SPARCL1: variants seen among roughly 807,000 people sequenced by gnomAD.
SPARCL1 encodes the protein SPARC-like protein 1.
SPARCL1 carries 52 observed loss-of-function variants against 67.1 expected under a neutral mutation model. That is an observed-to-expected ratio of 0.78 (90% CI 0.62 to 0.98). The LOEUF (loss-of-function observed/expected upper bound fraction) is 0.98, where lower values mean the gene tolerates loss of function less well. SPARCL1 is among the 50% of genes least tolerant of loss of function. The pLI, the probability that SPARCL1 is intolerant of heterozygous loss-of-function variation, is 0.00. For synonymous variants in SPARCL1, 226 were observed against 267.8 expected, an observed-to-expected ratio of 0.84 and a Z score of 1.52; for missense variants, 717 against 782.4, an observed-to-expected ratio of 0.92 and a Z score of 1.00.
chr4:87,506,011 T>C (rs985243673), intron 1 of SPARCL1, among the ~76,000 whole-genome samples: 16 of 152,174 alleles, frequency 1.1e-4, no homozygotes, highest in African/African-American at 3.6e-4. Context: ...TCCTGTGCCT[T>C]GTAGGATGCT....
At position 87,482,537 on chromosome 4, in the gene SPARCL1, C is replaced by A; in HGVS notation, c.1555G>T (p.Glu519Ter). Residue 519 changes from glutamate (E) to a stop codon, truncating the protein, a stop_gained, in exon 8 of 11, where the codon GAA becomes TAA. Transcript: ENST00000282470. LOFTEE classifies it high-confidence loss of function. ...ATCCGTAGAGGAAACTGAATCACTT[C>A]AAAGTCCGTACAAGTAGGAATAGCT... ...CKSIPTCTDF[E>*]VIQFPLRMRD... The A allele has an allele frequency of 6.2e-7, 1 of 1,614,010 alleles. No homozygotes were observed. Among genetic ancestry groups the A allele is most frequent in the South Asian group, 1.1e-5 (1 of 91,080 alleles).
chr4:87,512,267 C>T (rs1578113343), intron 1 of SPARCL1, among the ~76,000 whole-genome samples: 1 of 152,054 alleles, frequency 6.6e-6, no homozygotes, highest in East Asian at 1.9e-4. Context: ...CCATGCCCGG[C>T]CCCAGATTTC....
rs1298855755 is a variant in SPARCL1, at chr4:87,494,143, T to C, written c.657A>G (p.Glu219=). The C allele has an allele frequency of 1.9e-6, 3 of 1,613,664 alleles. No homozygotes were observed. In the African/African-American group the frequency reaches 4.0e-5, roughly 22 times the overall value. The change falls in exon 4 of 11, where the codon GAA becomes GAG. Residue 219 remains glutamate (E), a synonymous_variant. Coordinates refer to ENST00000282470, the MANE Select transcript of SPARCL1 (RefSeq NM_004684.6). The part of the protein sequence containing the change: ...GEVGTHNDNQ[E]RKTELPREHA... ...GCTCCCTGGGCAATTCTGTCTTTCT[T>C]TCTTGGTTATCATTGTGGGTACCAA...
At chr4:87,508,415 G>T (rs1160385705) in intron 1 of SPARCL1, among the ~76,000 whole-genome samples, 1 of 151,794 alleles carries the variant, frequency 6.6e-6, no homozygotes, top group Non-Finnish European at 1.5e-5. Context: ...GCCCAGGATG[G>T]TCTTGAACTC....
intron 1 of SPARCL1, among the ~76,000 whole-genome samples, chr4:87,519,166 G>A (rs897522278): frequency 6.6e-6 from 1 of 151,790 alleles, no homozygotes; most frequent in Non-Finnish European, 1.5e-5. Flanking sequence ...CGCCTCCCGG[G>A]TTCAAGCAAT....
At chr4:87,503,294 T>C (rs1225171618) in intron 1 of SPARCL1, among the ~76,000 whole-genome samples, 1 of 152,202 alleles carries the variant, frequency 6.6e-6, no homozygotes, top group East Asian at 1.9e-4. Context: ...GAAACTTGCA[T>C]GGGTTCTTCA....
chr4:87,480,450 TCC>T lies in SPARCL1; in HGVS notation c.1737_1738del (p.Asp580LeufsTer2). Reference sequence around the variant, plus strand: ...ATACATGTGGTAGTTTTTCTTAAAGTCCCTTAAGAGAAGATCAATGGGATGGT... The same window carrying T: ...ATACATGTGGTAGTTTTTCTTAAAGTCTTAAGAGAAGATCAATGGGATGGT... On this transcript the variant is annotated frameshift_variant, in exon 9 of 11. Coordinates refer to ENST00000282470, the MANE Select transcript of SPARCL1 (RefSeq NM_004684.6). LOFTEE classifies it high-confidence loss of function. 6.2e-7 allele frequency: 1 copy of T among 1,613,314 alleles called. No individual in the cohort carries two copies. The highest frequency in any genetic ancestry group is 8.5e-7 in the Non-Finnish European group (1 of 1,179,566).
chr4:87,497,064 T>G (rs1350790496), intron 2 of SPARCL1: 1 of 187,736 alleles, frequency 5.3e-6, no homozygotes, highest in Non-Finnish European at 9.9e-6. Flanking sequence ...ATTTTTCTAG[T>G]AGAGACAGGA....
At chr4:87,495,441 C>T (rs769176851) in intron 2 of SPARCL1, among the ~76,000 whole-genome samples, 4 of 152,114 alleles carry the variant, frequency 2.6e-5, no homozygotes, top group Non-Finnish European at 5.9e-5. Context: ...TTTTGCAAAG[C>T]ATTTGTACTT....
chr4:87,479,582 C>T lies in SPARCL1; in HGVS notation c.1818-4G>A. 6.2e-7 allele frequency: 1 copy of T among 1,613,024 alleles called. No homozygotes were observed. The highest frequency in any genetic ancestry group is 8.5e-7 in the Non-Finnish European group (1 of 1,179,566). On this transcript the variant is annotated splice_polypyrimidine_tract_variant and splice_region_variant and intron_variant, in intron 9 of 10. Coordinates refer to ENST00000282470, the MANE Select transcript of SPARCL1 (RefSeq NM_004684.6). The stretch of plus-strand genomic sequence containing the variant: ...AAGTTCAGAATGTGTCAAGACTCTG[C>T]AATGAAATACATGGCATCCTATTAA...
chr4:87,502,606 G>T (rs1309477524), intron 1 of SPARCL1, among the ~76,000 whole-genome samples: 2 of 152,156 alleles, frequency 1.3e-5, no homozygotes, highest in African/African-American at 4.8e-5. Context: ...TCTCCTTGAG[G>T]ATATTAATCA....
chr4:87,527,090 C>T (rs1159310497), intron 1 of SPARCL1, among the ~76,000 whole-genome samples: 1 of 152,156 alleles, frequency 6.6e-6, no homozygotes, highest in Non-Finnish European at 1.5e-5. Flanking sequence ...AGATTGCCTC[C>T]CCACCTTTGG....
At chr4:87,500,135 A>C (rs1170019298) in intron 1 of SPARCL1, among the ~76,000 whole-genome samples, 1 of 152,164 alleles carries the variant, frequency 6.6e-6, no homozygotes, top group African/African-American at 2.4e-5. Context: ...TAGTATTTTA[A>C]ATTCCAGAGG....
chr4:87,482,640 G>A (rs2110215145), intron 7 of SPARCL1, 80 bp from the exon 8 acceptor site: 11 of 1,505,122 alleles, frequency 7.3e-6, no homozygotes, highest in Middle Eastern at 4.1e-4. Context: ...GAAGCTTAAC[G>A]ACTTCTGGCA....
chr4:87,494,242 C>T lies in SPARCL1; in HGVS notation c.558G>A (p.Arg186=). The T allele has an allele frequency of 6.2e-7, 1 of 1,614,016 alleles. No individual in the cohort carries two copies. Among genetic ancestry groups the T allele is most frequent in the Admixed American group, 1.7e-5 (1 of 59,994 alleles). ...GATCCTGCTCTTGGTTTCCTTGATC[C>T]CTTAGGCCTTGGCTATGTTTACTGC... is the stretch of plus-strand genomic sequence containing the variant. ...NRSSKHSQGL[R]DQGNQEQDPN... Residue 186 remains arginine, a synonymous_variant, in exon 4 of 11, where the codon AGG becomes AGA. Coordinates refer to ENST00000282470, the MANE Select transcript of SPARCL1 (RefSeq NM_004684.6).
intron 1 of SPARCL1, among the ~76,000 whole-genome samples, chr4:87,527,858 T>C (rs1193231743): frequency 7.2e-6 from 1 of 139,618 alleles, no homozygotes; most frequent in Non-Finnish European, 1.5e-5. Flanking sequence ...CCAAAGAGGG[T>C]GTTTTGAATA....
intron 1 of SPARCL1, among the ~76,000 whole-genome samples, chr4:87,515,199 G>A (rs546474591): frequency 6.6e-6 from 1 of 152,292 alleles, no homozygotes; most frequent in East Asian, 1.9e-4. Context: ...AGTTGGTACG[G>A]AACTGGAAGA....
At chr4:87,497,246 TG>T (rs1434062707) in intron 2 of SPARCL1, 2 of 983,588 alleles carry the variant, frequency 2.0e-6, no homozygotes, top group Non-Finnish European at 1.2e-6. Context: ...TCACCTAAGA[TG>T]GGTAATGAAT....
chr4:87,481,284 A>T (rs1186024920), intron 8 of SPARCL1, among the ~76,000 whole-genome samples: 1 of 152,092 alleles, frequency 6.6e-6, no homozygotes, highest in Non-Finnish European at 1.5e-5. Context: ...AGTTGTGCGC[A>T]TTCTCTGCTC....
Sources: gnomAD v4.1 joint callset for allele counts (sites outside exome capture counted in the v4.1 genomes callset) on GRCh38, gnomAD v4.1.1 for gene constraint, MANE v1.5 for transcripts, NCBI Gene and HGNC (gene_info 2026-07-23, HGNC 2026-07-21) for gene names.